Variants in RALGAPA1 observed in about 807,000 individuals in gnomAD.
RALGAPA1 encodes the protein Ral GTPase activating protein catalytic subunit alpha 1, also known as ral GTPase-activating protein subunit alpha-1.
RALGAPA1 carries 52 observed loss-of-function variants against 269.6 expected under a neutral mutation model. That is an observed-to-expected ratio of 0.19 (90% confidence interval 0.15 to 0.24). The LOEUF is 0.24. Ranked by LOEUF, RALGAPA1 falls within the 10% of genes least tolerant of loss-of-function variation. The pLI is 1.00. For synonymous variants in RALGAPA1, 817 were observed against 1,008.3 expected (o/e 0.81, Z 3.60); for missense variants, 1,917 against 3,013.9 (o/e 0.64, Z 8.52).
chr14:35,683,916 T>C lies in RALGAPA1; in HGVS notation c.4364A>G (p.Gln1455Arg). The change falls in exon 21 of 42, where the codon CAG becomes CGG. Residue 1455 changes from glutamine (Q) to arginine (R), a missense_variant. Gln to Arg is a conservative substitution (Grantham distance 43, BLOSUM62 1). Transcript: ENST00000680220. ...ADVDSGSGHHQSAEEQEVASL... is the reference protein window; with the variant it reads ...ADVDSGSGHHRSAEEQEVASL... ...AGCCACTTCCTGCTCTTCAGCACTC[T>C]GATGATGGCCAGAACCTGAATCCAC... 6.2e-7 allele frequency: 1 copy of C among 1,613,662 alleles called. No individual in the cohort carries two copies. Among genetic ancestry groups the C allele is most frequent in the Non-Finnish European group, 8.5e-7 (1 of 1,179,736 alleles).
In RALGAPA1 at chr14:35,734,921, T is replaced by C. The variant is rs556044111; in HGVS notation, c.1587+3592A>G. Among the ~76,000 whole-genome samples, 3 of 151,638 alleles carry C rather than the reference T, an allele frequency of 2.0e-5. No individual in the cohort carries two copies. In the East Asian group the frequency reaches 5.8e-4, roughly 29 times the overall value. On this transcript the variant is annotated intron_variant, in intron 12 of 41. Coordinates refer to ENST00000680220, the MANE Select transcript of RALGAPA1 (RefSeq NM_001346249.2). ...TGAACAGACAATTCTCAAAAGAAGA[T>C]ATGCAAATGGCCAACAAACATGAAA...
chr14:35,762,068 A>C (rs1243389041), intron 5 of RALGAPA1, among the ~76,000 whole-genome samples: 1 of 152,178 alleles, frequency 6.6e-6, no homozygotes, highest in African/African-American at 2.4e-5. Context: ...CTCTACATCT[A>C]ATAGTGGCTA....
chr14:35,557,236 G>A (rs992092405), intron 39 of RALGAPA1, among the ~76,000 whole-genome samples: 3 of 148,820 alleles, frequency 2.0e-5, no homozygotes, highest in Admixed American at 6.8e-5. Context: ...CTCATTTAAT[G>A]AAATTATAAT....
At chr14:35,754,061 A>G (rs968731520) in intron 7 of RALGAPA1, among the ~76,000 whole-genome samples, 1 of 152,190 alleles carries the variant, frequency 6.6e-6, no homozygotes, top group African/African-American at 2.4e-5. Context: ...CCTTAATCAA[A>G]GGATTAAAGT....
chr14:35,570,265 C>T (rs369875899), intron 39 of RALGAPA1, among the ~76,000 whole-genome samples: 3 of 136,406 alleles, frequency 2.2e-5, no homozygotes, highest in Non-Finnish European at 3.1e-5. Context: ...AGTGAGACTC[C>T]ATCTCAAAAA....
At chr14:35,758,676 C>G (rs2073415054) in intron 6 of RALGAPA1, among the ~76,000 whole-genome samples, 1 of 151,948 alleles carries the variant, frequency 6.6e-6, no homozygotes, top group East Asian at 1.9e-4. Context: ...GAGTTCAAGG[C>G]TACAGTGCAT....
chr14:35,655,933 A>G lies in RALGAPA1; in HGVS notation c.5388-18T>C. The stretch of plus-strand genomic sequence containing the variant: ...CTACACATCTGCAAAAAAGGCAAAC[A>G]ACAACGGTTACATAAAATGAAACCA... On this transcript the variant is annotated intron_variant, in intron 28 of 41. Coordinates refer to ENST00000680220, the MANE Select transcript of RALGAPA1 (RefSeq NM_001346249.2). The G allele has an allele frequency of 6.2e-7, 1 of 1,612,832 alleles. No individual in the cohort carries two copies. The highest frequency in any genetic ancestry group is 8.5e-7 in the Non-Finnish European group (1 of 1,179,472).
chr14:35,568,889 A>T (rs910003759), intron 39 of RALGAPA1, among the ~76,000 whole-genome samples: 1 of 152,236 alleles, frequency 6.6e-6, no homozygotes, highest in Non-Finnish European at 1.5e-5. Context: ...TTTCTTTTCA[A>T]TTGATAAATC....
intron 35 of RALGAPA1, among the ~76,000 whole-genome samples, chr14:35,615,410 G>T (rs1390311338): frequency 6.6e-6 from 1 of 152,126 alleles, no homozygotes; most frequent in Non-Finnish European, 1.5e-5. Flanking sequence ...TGTTAACAAA[G>T]TAATCTTTCA....
intron 31 of RALGAPA1, among the ~76,000 whole-genome samples, chr14:35,637,534 A>AAAGAAAAAAG (rs765367824): frequency 6.6e-6 from 1 of 152,184 alleles, no homozygotes; most frequent in Non-Finnish European, 1.5e-5. Flanking sequence ...AGAGGCGACA[A>AAAGAAAAAAG]AAGAAAAAAG....
At position 35,627,799 on chromosome 14, in the gene RALGAPA1, T is replaced by C. The variant is rs2061085953; in HGVS notation, c.6148A>G (p.Ser2050Gly). The C allele has an allele frequency of 6.3e-7, 1 of 1,586,976 alleles. No homozygotes were observed. The highest frequency in any genetic ancestry group is 1.3e-5 in the African/African-American group (1 of 74,076). The change falls in exon 34 of 42, where the codon AGT becomes GGT. Residue 2050 changes from serine (S) to glycine (G), a missense_variant. Coordinates refer to ENST00000680220, the MANE Select transcript of RALGAPA1 (RefSeq NM_001346249.2). ...CENHDNHYSE[S>G]TELSPELFES... Reference sequence around the variant, plus strand: ...AAGAGTTCAGGAGAAAGTTCAGTACTTTCACTGTAATGATTGTCGTGATTT... The same window carrying C: ...AAGAGTTCAGGAGAAAGTTCAGTACCTTCACTGTAATGATTGTCGTGATTT...
At chr14:35,562,687 T>C (rs1174485569) in intron 39 of RALGAPA1, among the ~76,000 whole-genome samples, 1 of 151,988 alleles carries the variant, frequency 6.6e-6, no homozygotes, top group Non-Finnish European at 1.5e-5. Context: ...AATCACAAAC[T>C]ATAAGTTACT....
chr14:35,657,691 T>TATA (rs1200577635), intron 28 of RALGAPA1, among the ~76,000 whole-genome samples: 5 of 134,320 alleles, frequency 3.7e-5, no homozygotes, highest in African/African-American at 1.2e-4. Context: ...ATATATATAT[T>TATA]TTTTTTTTTT....
intron 7 of RALGAPA1, among the ~76,000 whole-genome samples, chr14:35,753,108 A>C (rs2072874020): frequency 6.6e-6 from 1 of 152,312 alleles, no homozygotes; most frequent in East Asian, 1.9e-4. Flanking sequence ...CAGAGTGGAC[A>C]AGGAAGGTAC....
intron 16 of RALGAPA1, among the ~76,000 whole-genome samples, chr14:35,707,986 T>A (rs2067951498): frequency 6.6e-6 from 1 of 152,034 alleles, no homozygotes; most frequent in African/African-American, 2.4e-5. Context: ...TCATTTTCAA[T>A]AAAAATGCCA....
At chr14:35,541,148 C>T (rs754849435) in intron 41 of RALGAPA1, among the ~76,000 whole-genome samples, 35 of 148,792 alleles carry the variant, frequency 2.4e-4, no homozygotes, top group African/African-American at 6.8e-4. Flanking sequence ...CGGGTTCAAG[C>T]GATTCCCCTG....
At chr14:35,715,837 G>C in intron 16 of RALGAPA1, 1 of 985,402 alleles carries the variant, frequency 1.0e-6, no homozygotes, top group African/African-American at 1.7e-5. Flanking sequence ...TTTGCTTCAA[G>C]ATCATCCCAC....
At chr14:35,788,088 C>T (rs2141727724) in intron 1 of RALGAPA1, among the ~76,000 whole-genome samples, 1 of 152,286 alleles carries the variant, frequency 6.6e-6, no homozygotes, top group Non-Finnish European at 1.5e-5. Flanking sequence ...TCTCCTGCCT[C>T]AGCCTCCCGG....
intron 12 of RALGAPA1, among the ~76,000 whole-genome samples, chr14:35,737,617 G>A (rs906186886): frequency 9.2e-5 from 14 of 151,552 alleles, no homozygotes; most frequent in African/African-American, 3.4e-4. Context: ...AAATTAGCCA[G>A]GCGTGGTGGC....
Sources: allele counts gnomAD v4.1 joint callset (sites outside exome capture counted in the v4.1 genomes callset), GRCh38; gene constraint gnomAD v4.1.1; transcripts MANE v1.5; gene names NCBI Gene and HGNC (gene_info 2026-07-23, HGNC 2026-07-21).